ARHGAP18: variants seen among roughly 807,000 people sequenced by gnomAD.
ARHGAP18 encodes Rho GTPase activating protein 18.
In ARHGAP18, 67 loss-of-function variants were observed where a neutral mutation model predicts 86.2. The ratio of observed to expected loss-of-function variants is 0.78; its 90% CI spans 0.64 to 0.95. The LOEUF is 0.95. Among genes scored for constraint, ARHGAP18 ranks in the 40% least tolerant of loss-of-function variants. The pLI, the probability that ARHGAP18 is intolerant of heterozygous loss-of-function variation, is 0.00. For missense variants in ARHGAP18, 691 were observed against 780.4 expected (o/e 0.89, Z 1.37); for synonymous variants, 283 against 280.4 (o/e 1.01, Z -0.09).
intron 1 of ARHGAP18, among the ~76,000 whole-genome samples, chr6:129,647,304 A>G (rs1773600665): frequency 6.6e-6 from 1 of 152,058 alleles, no homozygotes; most frequent in Non-Finnish European, 1.5e-5. Flanking sequence ...TTCAGGGCAG[A>G]TTTATTTGTA....
intron 1 of ARHGAP18, among the ~76,000 whole-genome samples, chr6:129,682,527 C>T (rs1330068981): frequency 6.6e-6 from 1 of 152,208 alleles, no homozygotes; most frequent in Admixed American, 6.5e-5. Flanking sequence ...GTGCCATTAT[C>T]TGTAGATGGT....
intron 1 of ARHGAP18, among the ~76,000 whole-genome samples, chr6:129,646,182 A>G (rs1773575685): frequency 6.6e-6 from 1 of 152,208 alleles, no homozygotes; most frequent in Admixed American, 6.5e-5. Flanking sequence ...CTGGGAGTCT[A>G]AGTACCAAAT....
chr6:129,625,172 G>GTAAT lies in ARHGAP18; in HGVS notation c.786+4180_786+4181insATTA, dbSNP rs1562696519. ...TATTATATAGATATATATTATATATGATATATTATATATTATATATGATAT... is the reference window on the plus strand; with the variant it reads ...TATTATATAGATATATATTATATATGTAATATATATTATATATTATATATGATAT... On this transcript the variant is annotated intron_variant, in intron 5 of 14. Transcript: ENST00000368149. Among the ~76,000 whole-genome samples the GTAAT allele has an allele frequency of 2.0e-3, 81 of 41,296 alleles. 2 individuals are homozygous for GTAAT. Among genetic ancestry groups the GTAAT allele is most frequent in the Non-Finnish European group, 3.4e-3 (66 of 19,628 alleles). 27.1% of individuals were successfully genotyped at this position (41,296 alleles called of 152,430 possible). A position where few individuals can be genotyped will look rare whatever the true frequency, so the allele number is the denominator to read the frequency against.
In ARHGAP18 at chr6:129,598,099, C is replaced by T. The variant is rs548609645; in HGVS notation, c.1713+1117G>A. The stretch of plus-strand genomic sequence containing the variant: ...TGAATAAGAAGGGCTACAAAACAGA[C>T]TTAATTCACATATTTACAATGGTCT... On this transcript the variant is annotated intron_variant, in intron 12 of 14. Coordinates refer to ENST00000368149, the MANE Select transcript of ARHGAP18 (RefSeq NM_033515.3). Among the ~76,000 whole-genome samples the T allele has an allele frequency of 5.9e-5, 9 of 152,082 alleles. 1 individual carries two copies. The South Asian group carries it at 1.0e-3, about 18-fold the overall frequency.
At chr6:129,616,129 A>T in intron 7 of ARHGAP18, 83 bp downstream of exon 7, 1 of 1,095,364 alleles carries the variant, frequency 9.1e-7, no homozygotes, top group Non-Finnish European at 1.3e-6. Flanking sequence ...GAATTGGAAA[A>T]CTGTATTATA....
intron 1 of ARHGAP18, among the ~76,000 whole-genome samples, chr6:129,706,141 G>T (rs949957107): frequency 5.9e-5 from 9 of 152,196 alleles, no homozygotes; most frequent in African/African-American, 9.7e-5. Context: ...CAAAAAATAT[G>T]CAAAGCAAAC....
rs140777822 is a variant in ARHGAP18 at position 129,704,535 on chromosome 6, T to A, written c.113+5489A>T. Among the ~76,000 whole-genome samples, 29 of 152,172 alleles carry A rather than the reference T, an allele frequency of 1.9e-4. No homozygotes were observed. In the East Asian group the frequency reaches 4.8e-3, roughly 25 times the overall value. On this transcript the variant is annotated intron_variant, in intron 1 of 14. Coordinates refer to ENST00000368149, the MANE Select transcript of ARHGAP18 (RefSeq NM_033515.3). ...TATGCCCCTCTGCAAGTCCTCCCTA[T>A]CTAAATTAATGATCACTTTAACATT...
chr6:129,678,170 G>T (rs1293461639), intron 1 of ARHGAP18, among the ~76,000 whole-genome samples: 2 of 152,184 alleles, frequency 1.3e-5, no homozygotes, highest in African/African-American at 4.8e-5. Flanking sequence ...TTCACACCAT[G>T]CCCCATTGAA....
chr6:129,622,967 C>T (rs1562694822), intron 5 of ARHGAP18, among the ~76,000 whole-genome samples: 1 of 132,798 alleles, frequency 7.5e-6, no homozygotes, highest in Non-Finnish European at 1.5e-5. Flanking sequence ...CGCCATTGCA[C>T]TCTAGCCTGG....
intron 12 of ARHGAP18, among the ~76,000 whole-genome samples, chr6:129,590,571 C>G (rs561692709): frequency 1.3e-5 from 2 of 152,280 alleles, no homozygotes; most frequent in East Asian, 3.9e-4. Context: ...TTCCCACATC[C>G]CTTTCCCTCA....
chr6:129,607,712 T>C (rs565993039), intron 9 of ARHGAP18, among the ~76,000 whole-genome samples, 181 bp downstream of exon 9: 1 of 152,316 alleles, frequency 6.6e-6, no homozygotes, highest in African/African-American at 2.4e-5. Context: ...TACTCAGGAA[T>C]GCATATTTAT....
chr6:129,595,047 C>A (rs1026036930), intron 12 of ARHGAP18, among the ~76,000 whole-genome samples: 1 of 152,062 alleles, frequency 6.6e-6, no homozygotes, highest in Non-Finnish European at 1.5e-5. Flanking sequence ...ATCTAGATAA[C>A]CTTAGTAACT....
intron 1 of ARHGAP18, among the ~76,000 whole-genome samples, chr6:129,677,816 A>G (rs1429867510): frequency 2.0e-5 from 3 of 152,166 alleles, no homozygotes; most frequent in Admixed American, 6.5e-5. Flanking sequence ...ACTTCTTCCT[A>G]TCATCATTTT....
rs1030199400 is a variant in ARHGAP18 at position 129,686,158 on chromosome 6, C to T, written c.113+23866G>A. Among the ~76,000 whole-genome samples, 13 of 152,162 alleles carry T rather than the reference C, an allele frequency of 8.5e-5. 1 individual carries two copies. The highest frequency in any genetic ancestry group is 1.9e-4 in the Non-Finnish European group (13 of 68,026). On this transcript the variant is annotated intron_variant, in intron 1 of 14. Transcript: ENST00000368149. ...CCAACTCTTACTATTTCCTCGGATC[C>T]CCTCTCTGGATAAAGGTTCTTTTCC...
chr6:129,695,121 T>C (rs536679655), intron 1 of ARHGAP18, among the ~76,000 whole-genome samples: 5 of 152,070 alleles, frequency 3.3e-5, no homozygotes, highest in East Asian at 1.9e-4. Context: ...TGGTAATAAC[T>C]ATTCTGAAAA....
At chr6:129,678,983 G>A (rs1584109394) in intron 1 of ARHGAP18, among the ~76,000 whole-genome samples, 1 of 152,264 alleles carries the variant, frequency 6.6e-6, no homozygotes, top group South Asian at 2.1e-4. Flanking sequence ...TTAATAAACT[G>A]TAGAATAAAC....
chr6:129,690,703 C>T (rs1265985474), intron 1 of ARHGAP18, among the ~76,000 whole-genome samples: 1 of 152,042 alleles, frequency 6.6e-6, no homozygotes, highest in African/African-American at 2.4e-5. Flanking sequence ...TATTCCTCCC[C>T]GTGAAAAGAA....
intron 12 of ARHGAP18, among the ~76,000 whole-genome samples, chr6:129,590,076 C>T (rs1029959988): frequency 6.6e-6 from 1 of 152,224 alleles, no homozygotes; most frequent in African/African-American, 2.4e-5. Context: ...TCTAGCCATG[C>T]TGGCAGCTGA....
chr6:129,597,398 C>T (rs1022005542), intron 12 of ARHGAP18, among the ~76,000 whole-genome samples: 2 of 152,212 alleles, frequency 1.3e-5, no homozygotes, highest in East Asian at 3.9e-4. Flanking sequence ...AGACCTCCAC[C>T]ATGGGCTGTG....
Sources: gnomAD v4.1 joint callset for allele counts (sites outside exome capture counted in the v4.1 genomes callset) on GRCh38, gnomAD v4.1.1 for gene constraint, MANE v1.5 for transcripts, NCBI Gene and HGNC (gene_info 2026-07-23, HGNC 2026-07-21) for gene names.